ANO2: variants seen among roughly 807,000 people sequenced by gnomAD.
ANO2 encodes anoctamin 2, also known as anoctamin-2.
A neutral mutation model predicts 124.2 loss-of-function variants in ANO2; 101 were observed. The observed-to-expected ratio is 0.81, with a 90% CI of 0.69 to 0.96. The LOEUF is 0.96. ANO2 is among the 40% of genes least tolerant of loss of function. ANO2 has a pLI of 0.00. For missense variants in ANO2, 1,293 were observed against 1,274.5 expected (o/e 1.01, Z -0.22); for synonymous variants, 486 against 482.5 (o/e 1.01, Z -0.09).
chr12:5,858,199 A>C (rs1955163422), intron 3 of ANO2, among the ~76,000 whole-genome samples: 1 of 152,224 alleles, frequency 6.6e-6, no homozygotes, highest in Admixed American at 6.5e-5. Flanking sequence ...AACACAAAGA[A>C]ATGATATATT....
chr12:5,925,933 C>T lies in ANO2; in HGVS notation c.23-3129G>A, dbSNP rs1942059426. ...CTTCATTGTCACCTATTGCTGACGACACTTAAGTTTCACTCTAACTCTTGC... is the reference window on the plus strand; with the variant it reads ...CTTCATTGTCACCTATTGCTGACGATACTTAAGTTTCACTCTAACTCTTGC... On this transcript the variant is annotated intron_variant, in intron 1 of 24. Transcript: ENST00000682330. This position sits in a 1 kb window ranked among gnomAD's most constrained non-coding sequence, Gnocchi z 4.6. Among the ~76,000 whole-genome samples, 1 of 152,216 alleles carries T rather than the reference C, an allele frequency of 6.6e-6. No individual in the cohort carries two copies. The highest frequency in any genetic ancestry group is 1.5e-5 in the Non-Finnish European group (1 of 68,040).
At chr12:5,813,232 G>A (rs147491602) in intron 7 of ANO2, among the ~76,000 whole-genome samples, 2 of 152,128 alleles carry the variant, frequency 1.3e-5, no homozygotes, top group Non-Finnish European at 2.9e-5. Context: ...GTTATCTTTG[G>A]GGGGTCAGAA....
intron 19 of ANO2, among the ~76,000 whole-genome samples, chr12:5,602,136 T>G (rs1394556127): frequency 6.6e-6 from 1 of 151,876 alleles, no homozygotes; most frequent in East Asian, 1.9e-4. Flanking sequence ...AGATCTGAAA[T>G]GAATTCAATA....
chr12:5,796,772 C>T (rs757529764), intron 10 of ANO2, among the ~76,000 whole-genome samples: 4 of 152,230 alleles, frequency 2.6e-5, no homozygotes, highest in African/African-American at 4.8e-5. Flanking sequence ...CATCCAGGAA[C>T]GGTGTCTCAA....
chr12:5,891,905 G>A (rs756702988), intron 3 of ANO2, among the ~76,000 whole-genome samples: 5 of 152,024 alleles, frequency 3.3e-5, no homozygotes, highest in African/African-American at 7.2e-5. Context: ...TAAAATTACT[G>A]AACATACAAA....
At chr12:5,732,151 T>C (rs770470978) in intron 14 of ANO2, among the ~76,000 whole-genome samples, 1 of 152,212 alleles carries the variant, frequency 6.6e-6, no homozygotes, top group Non-Finnish European at 1.5e-5. Context: ...GAACAGTGTC[T>C]AACATAGAGC....
intron 14 of ANO2, among the ~76,000 whole-genome samples, chr12:5,681,342 T>C (rs1446542749): frequency 6.6e-6 from 1 of 152,218 alleles, no homozygotes; most frequent in African/African-American, 2.4e-5. Flanking sequence ...TCACATTTTT[T>C]ATGAATCATG....
chr12:5,576,897 G>A (rs1942443968), intron 22 of ANO2, among the ~76,000 whole-genome samples: 1 of 152,134 alleles, frequency 6.6e-6, no homozygotes, highest in Non-Finnish European at 1.5e-5. Flanking sequence ...CAACTTACTG[G>A]GCACTTGTTA....
chr12:5,787,208 A>T lies in ANO2; in HGVS notation c.1055+12299T>A, dbSNP rs1237250104. Among the ~76,000 whole-genome samples the T allele has an allele frequency of 6.6e-6, 1 of 152,206 alleles. No individual in the cohort carries two copies. Among genetic ancestry groups the T allele is most frequent in the Non-Finnish European group, 1.5e-5 (1 of 68,038 alleles). ...AAAAGCACAATCCCAGTTCCTTTCC[A>T]GTGCCCCAGCCAGAAGAACCCCTGA... is the stretch of plus-strand genomic sequence containing the variant. On this transcript the variant is annotated intron_variant, in intron 10 of 24. Transcript: ENST00000682330. This position sits in a 1 kb window ranked among gnomAD's most constrained non-coding sequence, Gnocchi z 4.2.
chr12:5,819,839 G>T (rs1446830737), intron 7 of ANO2, among the ~76,000 whole-genome samples: 1 of 136,262 alleles, frequency 7.3e-6, no homozygotes, highest in African/African-American at 2.6e-5. Flanking sequence ...TCCTGAAGTG[G>T]CAGGGGCCAA....
chr12:5,735,634 G>T (rs1036561766), intron 13 of ANO2, among the ~76,000 whole-genome samples: 52 of 152,294 alleles, frequency 3.4e-4, no homozygotes, highest in Middle Eastern at 6.8e-3. Context: ...GGGAGTTGGG[G>T]GAGGCCAATC....
intron 20 of ANO2, chr12:5,584,033 G>C (rs1023969544): frequency 3.9e-6 from 1 of 257,344 alleles, no homozygotes; most frequent in Non-Finnish European, 8.4e-6. Context: ...ATGGAATTAT[G>C]GTTGCACCAG....
chr12:5,605,002 C>A (rs1944147322), intron 19 of ANO2, among the ~76,000 whole-genome samples: 1 of 152,012 alleles, frequency 6.6e-6, no homozygotes, highest in Admixed American at 6.6e-5. Flanking sequence ...TCTGCCTGTG[C>A]CCCACAGGGT....
intron 23 of ANO2, among the ~76,000 whole-genome samples, chr12:5,571,259 G>A (rs1181842354): frequency 6.6e-6 from 1 of 152,150 alleles, no homozygotes. Context: ...AGGACGTGGC[G>A]GCCCTTCGAC....
At chr12:5,839,319 A>G (rs1257817843) in intron 4 of ANO2, among the ~76,000 whole-genome samples, 5 of 152,122 alleles carry the variant, frequency 3.3e-5, no homozygotes, top group East Asian at 3.9e-4. Flanking sequence ...GAAAGTACCC[A>G]AGACTGGAGA....
intron 14 of ANO2, among the ~76,000 whole-genome samples, chr12:5,682,305 A>G (rs1338125517): frequency 6.6e-6 from 1 of 151,846 alleles, no homozygotes; most frequent in Non-Finnish European, 1.5e-5. Flanking sequence ...TATAAACTAT[A>G]TTCTCTGATC....
chr12:5,758,685 G>T (rs1056846591), intron 10 of ANO2, among the ~76,000 whole-genome samples: 3 of 152,166 alleles, frequency 2.0e-5, no homozygotes, highest in African/African-American at 7.2e-5. Flanking sequence ...TGCACTGAAG[G>T]TGACTCTTGC....
chr12:5,916,142 T>TG (rs1941361362), intron 3 of ANO2, among the ~76,000 whole-genome samples: 1 of 152,030 alleles, frequency 6.6e-6, no homozygotes, highest in Non-Finnish European at 1.5e-5. Flanking sequence ...CTGGGCATGG[T>TG]GGCACACACC....
intron 1 of ANO2, among the ~76,000 whole-genome samples, chr12:5,943,686 T>C (rs906980481): frequency 2.0e-5 from 3 of 152,152 alleles, no homozygotes; most frequent in African/African-American, 7.2e-5. Context: ...TTTTAAACAA[T>C]ACAGATGGAT....
Sources: allele counts gnomAD v4.1 joint callset (sites outside exome capture counted in the v4.1 genomes callset), GRCh38; gene constraint gnomAD v4.1.1; non-coding constraint Gnocchi (gnomAD v3.1); transcripts MANE v1.5; gene names NCBI Gene and HGNC (gene_info 2026-07-23, HGNC 2026-07-21).